BOLL: variants seen among roughly 807,000 people sequenced by gnomAD.
The protein encoded by BOLL is boule RNA binding protein.
A neutral mutation model predicts 44.4 loss-of-function variants in BOLL; 23 were observed. The ratio of observed to expected loss-of-function variants is 0.52; its 90% CI spans 0.37 to 0.73. The LOEUF (loss-of-function observed/expected upper bound fraction) is 0.73, where lower values mean the gene tolerates loss of function less well. Ranked by LOEUF, BOLL falls within the 30% of genes least tolerant of loss-of-function variation. The pLI is 0.00. For synonymous variants in BOLL, 97 were observed against 110.8 expected (o/e 0.88, Z 0.78); for missense variants, 287 against 338.3 (o/e 0.85, Z 1.19).
At chr2:197,763,561 A>G (rs2106362458) in intron 7 of BOLL, among the ~76,000 whole-genome samples, 1 of 152,234 alleles carries the variant, frequency 6.6e-6, no homozygotes, top group South Asian at 2.1e-4. Context: ...AACGTCTTCC[A>G]ACAAAGAAAA....
chr2:197,738,032 C>CA (rs1373563989), intron 10 of BOLL, among the ~76,000 whole-genome samples: 46 of 152,028 alleles, frequency 3.0e-4, no homozygotes, highest in South Asian at 8.3e-4. Flanking sequence ...TATATTAATG[C>CA]AAAAATGTAA....
At chr2:197,779,165 A>T in intron 2 of BOLL, 99 bp from the exon 3 acceptor site, 1 of 840,160 alleles carries the variant, frequency 1.2e-6, no homozygotes, top group Non-Finnish European at 1.8e-6. Context: ...TATAGATAAG[A>T]TGCATGAAAA....
At chr2:197,778,645 T>A (rs891388316) in intron 3 of BOLL, among the ~76,000 whole-genome samples, 2 of 151,856 alleles carry the variant, frequency 1.3e-5, no homozygotes, top group Non-Finnish European at 2.9e-5. Flanking sequence ...GGGATACAAT[T>A]CCAAAAGAAT....
At chr2:197,748,092 G>A (rs912822677) in intron 9 of BOLL, among the ~76,000 whole-genome samples, 2 of 152,178 alleles carry the variant, frequency 1.3e-5, no homozygotes, top group African/African-American at 2.4e-5. Context: ...TGCAGCCCAC[G>A]GAGGGTGAGC....
At chr2:197,736,706 T>C (rs988856250) in intron 10 of BOLL, among the ~76,000 whole-genome samples, 10 of 152,244 alleles carry the variant, frequency 6.6e-5, no homozygotes, top group African/African-American at 2.2e-4. Flanking sequence ...ATGGGTTGCT[T>C]CTCATTAATT....
intron 1 of BOLL, 39 bp from the exon 2 acceptor site, chr2:197,781,904 A>G: frequency 6.7e-7 from 1 of 1,489,210 alleles, no homozygotes; most frequent in Non-Finnish European, 9.1e-7. Flanking sequence ...TGCACTGGGT[A>G]TAATGCAGTC....
At chr2:197,756,762 T>C (rs962480335) in intron 8 of BOLL, among the ~76,000 whole-genome samples, 20 of 152,120 alleles carry the variant, frequency 1.3e-4, no homozygotes, top group African/African-American at 4.6e-4. Flanking sequence ...AATCTTATCA[T>C]TGGTAAGCAC....
At chr2:197,762,148 G>A (rs1302251630) in intron 7 of BOLL, among the ~76,000 whole-genome samples, 7 of 152,032 alleles carry the variant, frequency 4.6e-5, no homozygotes, top group Non-Finnish European at 7.4e-5. Flanking sequence ...GTTCGAGACC[G>A]GCCTGACCAA....
chr2:197,744,985 T>C lies in BOLL; in HGVS notation c.730-1826A>G, dbSNP rs369601835. ...TAGATCGCAAGAGGCAGAAATAACC[T>C]TGGACAAGACTGAAAGTCACTAAAT... On this transcript the variant is annotated intron_variant, in intron 9 of 10. Transcript: ENST00000392296. 2.0e-4 allele frequency among the ~76,000 whole-genome samples: 30 copies of C among 152,254 alleles called. 1 individual carries two copies. The highest frequency in any genetic ancestry group is 6.7e-4 in the African/African-American group (28 of 41,558).
chr2:197,771,754 T>C (rs753455052), intron 6 of BOLL, 101 bp downstream of exon 6: 6 of 1,289,160 alleles, frequency 4.7e-6, no homozygotes, highest in Non-Finnish European at 6.2e-6. Context: ...ATGTGTGTTA[T>C]TATTTGTAAT....
At chr2:197,775,078 T>C (rs1443228860) in intron 5 of BOLL, among the ~76,000 whole-genome samples, 10 of 151,846 alleles carry the variant, frequency 6.6e-5, no homozygotes, top group Admixed American at 4.6e-4. Flanking sequence ...GGTAAAAAGT[T>C]AACTATAAAG....
At chr2:197,759,964 G>A (rs996260551) in intron 7 of BOLL, among the ~76,000 whole-genome samples, 5 of 152,142 alleles carry the variant, frequency 3.3e-5, no homozygotes, top group African/African-American at 1.2e-4. Flanking sequence ...TGTCCCCAGG[G>A]GAGTGGAGTG....
intron 6 of BOLL, among the ~76,000 whole-genome samples, chr2:197,770,334 C>G (rs978380388): frequency 1.3e-5 from 2 of 152,104 alleles, no homozygotes; most frequent in Non-Finnish European, 2.9e-5. Flanking sequence ...ACACCTTATA[C>G]AAAAATTAAT....
chr2:197,729,088 C>A (rs1686996262), intron 10 of BOLL, among the ~76,000 whole-genome samples: 1 of 152,170 alleles, frequency 6.6e-6, no homozygotes, highest in African/African-American at 2.4e-5. Context: ...TAGGGAGTGC[C>A]AGACAGTGGG....
At chr2:197,734,751 T>C (rs1339515731) in intron 10 of BOLL, among the ~76,000 whole-genome samples, 1 of 152,038 alleles carries the variant, frequency 6.6e-6, no homozygotes, top group African/African-American at 2.4e-5. Context: ...TAGGTGGGAA[T>C]TGAACAATGA....
chr2:197,742,227 T>C (rs191682766), intron 10 of BOLL, among the ~76,000 whole-genome samples: 163 of 152,320 alleles, frequency 1.1e-3, no homozygotes, highest in African/African-American at 3.7e-3. Context: ...GAGTGTAAAC[T>C]AGTTCAACCA....
intron 4 of BOLL, among the ~76,000 whole-genome samples, chr2:197,776,035 A>G (rs986056969): frequency 2.0e-5 from 3 of 151,844 alleles, no homozygotes; most frequent in African/African-American, 7.3e-5. Context: ...ATTTGTGGCA[A>G]TTTTGAGGTT....
At chr2:197,743,310 G>A in intron 9 of BOLL, 151 bp from the exon 10 acceptor site, 3 of 486,718 alleles carry the variant, frequency 6.2e-6, no homozygotes, top group Non-Finnish European at 1.1e-5. Flanking sequence ...ATAATCTGAT[G>A]AGTTAATATA....
At chr2:197,732,086 GAGA>G in intron 10 of BOLL, among the ~76,000 whole-genome samples, 1 of 150,884 alleles carries the variant, frequency 6.6e-6, no homozygotes, top group Admixed American at 6.6e-5. Context: ...GAAAAAAAGA[GAGA>G]AGAATCAAAT....
Sources: allele counts gnomAD v4.1 joint callset (sites outside exome capture counted in the v4.1 genomes callset), GRCh38; gene constraint gnomAD v4.1.1; transcripts MANE v1.5; gene names NCBI Gene and HGNC (gene_info 2026-07-23, HGNC 2026-07-21).